The following ZFYVE9 variants were observed in gnomAD, a reference collection of about 807,000 sequenced individuals.
ZFYVE9 encodes the protein zinc finger FYVE-type containing 9, also known as zinc finger FYVE domain-containing protein 9.
ZFYVE9 carries 43 observed loss-of-function variants against 126.7 expected under a neutral mutation model. That is an observed-to-expected ratio of 0.34 (90% CI 0.27 to 0.44). ZFYVE9 has a LOEUF of 0.44. ZFYVE9 is among the 20% of genes least tolerant of loss of function. The pLI, the probability that ZFYVE9 is intolerant of heterozygous loss-of-function variation, is 1.00. For missense variants in ZFYVE9, 1,476 were observed against 1,697.0 expected, an observed-to-expected ratio of 0.87 and a Z score of 2.29; for synonymous variants, 521 against 597.4, an observed-to-expected ratio of 0.87 and a Z score of 1.87.
At chr1:52,180,625 ATTC>A (rs1248067221) in intron 1 of ZFYVE9, 3 of 505,644 alleles carry the variant, frequency 5.9e-6, no homozygotes, top group South Asian at 4.5e-5. Context: ...GTAAGAATGA[ATTC>A]TTCTGGTTTT....
chr1:52,154,524 T>A (rs1217759944), intron 1 of ZFYVE9, among the ~76,000 whole-genome samples: 1 of 152,230 alleles, frequency 6.6e-6, no homozygotes, highest in East Asian at 1.9e-4. Context: ...GGCTGTTCAT[T>A]GGCTCTTCTG....
intron 13 of ZFYVE9, among the ~76,000 whole-genome samples, chr1:52,311,261 A>ATT (rs35243533): frequency 1.9e-5 from 2 of 102,590 alleles, no homozygotes; most frequent in Non-Finnish European, 2.1e-5. Flanking sequence ...CCTTGGATTG[A>ATT]TTTTTTTTTT....
chr1:52,270,401 C>A (rs1484558406), intron 7 of ZFYVE9, among the ~76,000 whole-genome samples: 2 of 152,182 alleles, frequency 1.3e-5, no homozygotes, highest in East Asian at 3.9e-4. Context: ...GTAGCTGGGA[C>A]AACAGGCGCC....
At chr1:52,236,985 C>T (rs1359872926) in intron 3 of ZFYVE9, among the ~76,000 whole-genome samples, 1 of 152,116 alleles carries the variant, frequency 6.6e-6, no homozygotes, top group Non-Finnish European at 1.5e-5. Flanking sequence ...ACTTTATATA[C>T]ATTAGAATGC....
intron 1 of ZFYVE9, among the ~76,000 whole-genome samples, chr1:52,167,789 G>C (rs1025507379): frequency 6.6e-6 from 1 of 152,276 alleles, no homozygotes; most frequent in East Asian, 1.9e-4. Flanking sequence ...ATAACTTCAA[G>C]AGAGCCTTCA....
chr1:52,149,658 C>A (rs1572056365), intron 1 of ZFYVE9, among the ~76,000 whole-genome samples: 1 of 152,126 alleles, frequency 6.6e-6, no homozygotes, highest in Non-Finnish European at 1.5e-5. Context: ...CCACGCGTGG[C>A]TAATTTTTGT....
At chr1:52,268,058 C>A (rs1645651106) in intron 6 of ZFYVE9, among the ~76,000 whole-genome samples, 1 of 152,286 alleles carries the variant, frequency 6.6e-6, no homozygotes, top group Admixed American at 6.5e-5. Flanking sequence ...TGTTTAATTT[C>A]TTTGGAAACC....
At chr1:52,229,630 C>G (rs914309514) in intron 2 of ZFYVE9, among the ~76,000 whole-genome samples, 1 of 152,164 alleles carries the variant, frequency 6.6e-6, no homozygotes, top group African/African-American at 2.4e-5. Context: ...GAAATAGATA[C>G]CACATTAGCA....
intron 1 of ZFYVE9, among the ~76,000 whole-genome samples, chr1:52,197,088 A>G (rs1644867692): frequency 6.6e-6 from 1 of 152,168 alleles, no homozygotes; most frequent in Non-Finnish European, 1.5e-5. Flanking sequence ...AGGAGGAGGC[A>G]GAAGTAGATA....
rs529163196 is a variant in ZFYVE9, at chr1:52,293,350, G to A, written c.3026-103G>A. The A allele has an allele frequency of 1.2e-5, 13 of 1,046,022 alleles. No individual in the cohort carries two copies. The Admixed American group carries it at 4.2e-4, about 34-fold the overall frequency. 64.8% of individuals were successfully genotyped at this position (1,046,022 alleles called of 1,614,324 possible). On this transcript the variant is annotated intron_variant, in intron 10 of 18. Transcript: ENST00000287727. ...GCCAAGATTGCGCCACTGCACTCCA[G>A]CCTGGGCAACAGCCAGACTCCGTCT...
At chr1:52,195,037 A>G (rs756612959) in intron 1 of ZFYVE9, among the ~76,000 whole-genome samples, 8 of 152,188 alleles carry the variant, frequency 5.3e-5, no homozygotes, top group Non-Finnish European at 1.2e-4. Context: ...TTTAAAATCC[A>G]TGGTAGTAAC....
At chr1:52,210,723 TG>T (rs1645020323) in intron 1 of ZFYVE9, among the ~76,000 whole-genome samples, 1 of 152,152 alleles carries the variant, frequency 6.6e-6, no homozygotes, top group African/African-American at 2.4e-5. Context: ...GGTGCAATCT[TG>T]GCTCACTGCA....
intron 1 of ZFYVE9, among the ~76,000 whole-genome samples, chr1:52,188,483 T>C (rs1644786032): frequency 6.6e-6 from 1 of 152,188 alleles, no homozygotes; most frequent in Non-Finnish European, 1.5e-5. Flanking sequence ...AAAATATAAG[T>C]TAAAAAATTT....
intron 7 of ZFYVE9, among the ~76,000 whole-genome samples, chr1:52,269,855 A>G (rs1348976632): frequency 6.6e-6 from 1 of 151,700 alleles, no homozygotes; most frequent in African/African-American, 2.4e-5. Flanking sequence ...TGCCGCAGAC[A>G]TGGCTCTCTG....
intron 7 of ZFYVE9, among the ~76,000 whole-genome samples, chr1:52,271,025 T>G (rs1281589386): frequency 6.6e-6 from 1 of 152,136 alleles, no homozygotes; most frequent in Non-Finnish European, 1.5e-5. Flanking sequence ...TCTGTCTCTA[T>G]ATAAAATTAA....
intron 1 of ZFYVE9, among the ~76,000 whole-genome samples, chr1:52,152,539 A>G (rs1232997497): frequency 2.6e-5 from 4 of 152,164 alleles, no homozygotes; most frequent in Non-Finnish European, 5.9e-5. Flanking sequence ...TTTTTCTAGT[A>G]TATATCCTTT....
chr1:52,298,024 T>C (rs1645995381), intron 12 of ZFYVE9, among the ~76,000 whole-genome samples: 1 of 152,222 alleles, frequency 6.6e-6, no homozygotes, highest in Admixed American at 6.5e-5. Context: ...GCTGCTAGGT[T>C]AAATTTGTTA....
At chr1:52,329,448 T>C (rs527983285) in intron 13 of ZFYVE9, among the ~76,000 whole-genome samples, 3 of 152,258 alleles carry the variant, frequency 2.0e-5, no homozygotes, top group African/African-American at 7.2e-5. Context: ...TTCTTAGATA[T>C]GACCCCAAAA....
intron 1 of ZFYVE9, among the ~76,000 whole-genome samples, chr1:52,189,680 GT>G (rs35301412): frequency 2.9e-4 from 43 of 146,270 alleles, no homozygotes; most frequent in African/African-American, 8.6e-4. Context: ...GCCTTAGGTT[GT>G]TTTTTTTTTT....
Sources: gnomAD v4.1 joint callset for allele counts (sites outside exome capture counted in the v4.1 genomes callset) on GRCh38, gnomAD v4.1.1 for gene constraint, MANE v1.5 for transcripts, NCBI Gene and HGNC (gene_info 2026-07-23, HGNC 2026-07-21) for gene names.